The following PPL variants were observed in gnomAD, a reference collection of about 807,000 sequenced individuals.
The protein encoded by PPL is periplakin.
In PPL, 198 loss-of-function variants were observed where a neutral mutation model predicts 194.4. The observed-to-expected ratio is 1.02, with a 90% confidence interval of 0.91 to 1.15. The LOEUF (loss-of-function observed/expected upper bound fraction) is 1.15, where lower values mean the gene tolerates loss of function less well. Among genes scored for constraint, PPL ranks in the 50% most tolerant of loss-of-function variants. The probability of loss-of-function intolerance (pLI) is 0.00; values close to 1 mark genes in which losing one functional copy is unlikely to be tolerated. For synonymous variants in PPL, 1,220 were observed against 972.4 expected (o/e 1.25, Z -4.74); for missense variants, 2,885 against 2,294.8 (o/e 1.26, Z -5.25).
At chr16:4,911,156 CTTTT>C (rs34229581) in intron 1 of PPL, among the ~76,000 whole-genome samples, 1 of 85,886 alleles carries the variant, frequency 1.2e-5, no homozygotes, top group Non-Finnish European at 2.2e-5. Context: ...GGTCAGCCTC[CTTTT>C]TTTTTTTTTT....
At chr16:4,906,320 A>G (rs2088681588) in intron 2 of PPL, among the ~76,000 whole-genome samples, 1 of 151,978 alleles carries the variant, frequency 6.6e-6, no homozygotes, top group South Asian at 2.1e-4. Context: ...TGCCTCCCGG[A>G]TTCACACCAT....
intron 1 of PPL, among the ~76,000 whole-genome samples, chr16:4,929,489 C>T (rs560192920): frequency 6.6e-6 from 1 of 152,282 alleles, no homozygotes; most frequent in South Asian, 2.1e-4. Flanking sequence ...AACTCGTGAT[C>T]TACTCAGACA....
At chr16:4,919,921 A>G (rs1347023250) in intron 1 of PPL, among the ~76,000 whole-genome samples, 1 of 152,052 alleles carries the variant, frequency 6.6e-6, no homozygotes, top group Non-Finnish European at 1.5e-5. Context: ...AGATGGAGAA[A>G]GACCCTGTCT....
rs1295884200 is a variant in PPL at position 4,889,042 on chromosome 16, G to C, written c.2333C>G (p.Ala778Gly). The C allele has an allele frequency of 6.2e-7, 1 of 1,613,560 alleles. No individual in the cohort carries two copies. Among genetic ancestry groups the C allele is most frequent in the Admixed American group, 1.7e-5 (1 of 59,982 alleles). The change falls in exon 19 of 22, where the codon GCA becomes GGA. Residue 778 changes from alanine (A) to glycine (G), a missense_variant. Coordinates refer to ENST00000345988, the MANE Select transcript of PPL (RefSeq NM_002705.5). The stretch of plus-strand genomic sequence containing the variant: ...CTTCTGTACTTCCTGCTCCCTACTT[G>C]CTATCTCATCTAGCAGGTTCTGTAA... The part of the protein sequence containing the change: ...KNQKNLLDEI[A>G]SREQEVQKIC...
Position 4,920,612 on chromosome 16 carries a change from G to A in PPL, c.63-9663C>T, listed in dbSNP as rs537879601. 4.6e-5 allele frequency among the ~76,000 whole-genome samples: 7 copies of A among 152,132 alleles called. No homozygotes were observed. The East Asian group carries it at 7.8e-4, about 17-fold the overall frequency. ...CGAGTAGCTGGGATTACAGGCGCACGCCACCATGCCTGGCTAATTTTTGTA... is the reference window on the plus strand; with the variant it reads ...CGAGTAGCTGGGATTACAGGCGCACACCACCATGCCTGGCTAATTTTTGTA... On this transcript the variant is annotated intron_variant, in intron 1 of 21. Coordinates refer to ENST00000345988, the MANE Select transcript of PPL (RefSeq NM_002705.5).
intron 2 of PPL, among the ~76,000 whole-genome samples, chr16:4,905,852 C>T (rs1379964748): frequency 2.0e-5 from 3 of 151,794 alleles, no homozygotes; most frequent in African/African-American, 7.2e-5. Context: ...TATCTGTAAT[C>T]TTAACACTTT....
intron 2 of PPL, among the ~76,000 whole-genome samples, chr16:4,904,994 G>T (rs914855267): frequency 1.3e-5 from 2 of 152,182 alleles, no homozygotes; most frequent in African/African-American, 4.8e-5. Flanking sequence ...ATCACAGCGG[G>T]TTAATTCACT....
rs972770306 is a variant in PPL, at chr16:4,902,881, G to A, written c.318-355C>T. On this transcript the variant is annotated intron_variant, in intron 3 of 21. Coordinates refer to ENST00000345988, the MANE Select transcript of PPL (RefSeq NM_002705.5). This position sits in a 1 kb window ranked among gnomAD's most constrained non-coding sequence, Gnocchi z 4.0. ...ATTTTGTATTTTCAGTAGAGACGGG[G>A]TTTCACCATGTTGGTCAGGCTGGTC... Among the ~76,000 whole-genome samples, 1 of 152,130 alleles carries A rather than the reference G, an allele frequency of 6.6e-6. No individual in the cohort carries two copies. Among genetic ancestry groups the A allele is most frequent in the East Asian group, 1.9e-4 (1 of 5,182 alleles).
Position 4,885,101 on chromosome 16 carries a change from T to C in PPL, c.3554A>G (p.Glu1185Gly), listed in dbSNP as rs1423038070. 6.2e-7 allele frequency: 1 copy of C among 1,613,856 alleles called. No homozygotes were observed. The highest frequency in any genetic ancestry group is 8.5e-7 in the Non-Finnish European group (1 of 1,180,022). ...REIVRPDPKA[E>G]SEVANLRLEL... ...CAGGCGGAGGTTCGCCACTTCACTTTCCGCCTTGGGGTCTGGCCGCACGAT... is the reference window on the plus strand; with the variant it reads ...CAGGCGGAGGTTCGCCACTTCACTTCCCGCCTTGGGGTCTGGCCGCACGAT... The change falls in exon 22 of 22, where the codon GAA becomes GGA. Residue 1185 changes from glutamate to glycine, a missense_variant. Coordinates refer to ENST00000345988, the MANE Select transcript of PPL (RefSeq NM_002705.5). This position sits in a 1 kb window ranked among gnomAD's most constrained non-coding sequence, Gnocchi z 6.3.
Position 4,930,598 on chromosome 16 carries a change from C to T in PPL, c.62+6386G>A, listed in dbSNP as rs78020683. Among the ~76,000 whole-genome samples, 493 of 152,288 alleles carry T rather than the reference C, an allele frequency of 3.2e-3. 23 individuals are homozygous for T. The East Asian group carries it at 0.087, about 27-fold the overall frequency. On this transcript the variant is annotated intron_variant, in intron 1 of 21. Transcript: ENST00000345988. Reference sequence around the variant, plus strand: ...GTCTGGGGGAAGGCAGCCACACAGCCACATGTGGCTACCCCGGAGTCACAT... The same window carrying T: ...GTCTGGGGGAAGGCAGCCACACAGCTACATGTGGCTACCCCGGAGTCACAT...
intron 2 of PPL, among the ~76,000 whole-genome samples, chr16:4,909,908 G>A (rs2088785131): frequency 6.6e-6 from 1 of 152,176 alleles, no homozygotes; most frequent in Admixed American, 6.5e-5. Context: ...ATGTAACTGG[G>A]CATCTCATAT....
intron 6 of PPL, 116 bp downstream of exon 6, chr16:4,900,714 G>T: frequency 7.0e-7 from 1 of 1,429,342 alleles, no homozygotes; most frequent in Non-Finnish European, 9.7e-7. Context: ...CTAGGCGTGA[G>T]CCACCATGCC....
At chr16:4,918,004 A>G (rs1182107584) in intron 1 of PPL, among the ~76,000 whole-genome samples, 1 of 151,038 alleles carries the variant, frequency 6.6e-6, no homozygotes, top group African/African-American at 2.4e-5. Flanking sequence ...AAAAACACAA[A>G]AAAGGCAGCT....
rs749990084 is a variant in PPL, at chr16:4,888,134, G to T, written c.2482C>A (p.Leu828Ile). The T allele has an allele frequency of 6.2e-7, 1 of 1,613,916 alleles. No homozygotes were observed. The highest frequency in any genetic ancestry group is 1.1e-5 in the South Asian group (1 of 91,082). Residue 828 changes from leucine (L) to isoleucine (I), a missense_variant, in exon 20 of 22, where the codon CTC becomes ATC. Transcript: ENST00000345988. ...RRSHVSKRAR[L>I]QSPATKVKEE... The stretch of plus-strand genomic sequence containing the variant: ...TTCACTTTGGTGGCAGGAGATTGGA[G>T]CCTGGCTCTCTTGCTCACGTGGCTT...
At chr16:4,896,598 G>A (rs1568007536) in intron 9 of PPL, among the ~76,000 whole-genome samples, 1 of 151,888 alleles carries the variant, frequency 6.6e-6, no homozygotes, top group Non-Finnish European at 1.5e-5. Flanking sequence ...GGGGCTGGGG[G>A]AGTGGGAATG....
chr16:4,897,769 G>A lies in PPL; in HGVS notation c.878C>T (p.Ala293Val), dbSNP rs763866957. The stretch of plus-strand genomic sequence containing the variant: ...GTCTGCGTGCACAGCCTCCATGTGC[G>A]CCTGCCAGGAAGAGAAGGGGCCGGT... Reference protein sequence around the residue: ...AEHPGRNSIEAHMEAVHADWK... With the variant: ...AEHPGRNSIEVHMEAVHADWK... Residue 293 changes from alanine (A) to valine (V), a missense_variant and splice_region_variant, in exon 9 of 22, where the codon GCG becomes GTG. Transcript: ENST00000345988. 3.2e-5 allele frequency: 52 copies of A among 1,612,332 alleles called. No homozygotes were observed. The highest frequency in any genetic ancestry group is 1.9e-4 in the African/African-American group (14 of 74,892).
intron 1 of PPL, among the ~76,000 whole-genome samples, chr16:4,928,713 A>G (rs1040791302): frequency 6.6e-6 from 1 of 152,220 alleles, no homozygotes; most frequent in African/African-American, 2.4e-5. Flanking sequence ...TCAATCTCAG[A>G]TAAGAAACTC....
At chr16:4,888,021 C>T (rs1332016194) in intron 20 of PPL, 81 bp downstream of exon 20, 15 of 975,706 alleles carry the variant, frequency 1.5e-5, no homozygotes, top group Admixed American at 5.3e-5. Context: ...CTGAGGCCAG[C>T]GTGTGACACC....
Position 4,885,952 on chromosome 16 carries a change from C to T in PPL, c.2703G>A (p.Glu901=), listed in dbSNP as rs1325325063. The T allele has an allele frequency of 1.2e-6, 2 of 1,613,664 alleles. No homozygotes were observed. Among genetic ancestry groups the T allele is most frequent in the Non-Finnish European group, 1.7e-6 (2 of 1,180,040 alleles). Reference sequence around the variant, plus strand: ...CCAGCTGCCGCCTCCGCTCAGTCTCCTCATCCAGTTCCTTCCTGATCTTCC... The same window carrying T: ...CCAGCTGCCGCCTCCGCTCAGTCTCTTCATCCAGTTCCTTCCTGATCTTCC... ...EAWKIRKELD[E]ETERRRQLEN... Residue 901 remains glutamate, a synonymous_variant, in exon 22 of 22, where the codon GAG becomes GAA. Coordinates refer to ENST00000345988, the MANE Select transcript of PPL (RefSeq NM_002705.5). The surrounding 1 kb of genome is among the most constrained non-coding windows in gnomAD (Gnocchi z 6.3).
Sources: gnomAD v4.1 joint callset for allele counts (sites outside exome capture counted in the v4.1 genomes callset) on GRCh38, gnomAD v4.1.1 for gene constraint, Gnocchi (gnomAD v3.1) non-coding constraint, MANE v1.5 for transcripts, NCBI Gene and HGNC (gene_info 2026-07-23, HGNC 2026-07-21) for gene names.